DCC: variants seen among roughly 807,000 people sequenced by gnomAD.
The protein encoded by DCC is DCC netrin 1 receptor, also known as netrin receptor DCC.
In DCC, 58 loss-of-function variants were observed where a neutral mutation model predicts 172.5. That is an observed-to-expected ratio of 0.34 (90% CI 0.27 to 0.42). DCC has a LOEUF of 0.42. DCC is among the 10% of genes least tolerant of loss of function. The pLI is 1.00. For missense variants in DCC, 1,740 were observed against 1,791.0 expected (o/e 0.97, Z 0.51); for synonymous variants, 709 against 644.5 (o/e 1.10, Z -1.52).
At chr18:53,503,221 T>A (rs1048661883) in intron 27 of DCC, among the ~76,000 whole-genome samples, 16 of 152,208 alleles carry the variant, frequency 1.1e-4, no homozygotes, top group Non-Finnish European at 2.1e-4. Flanking sequence ...GCAATATTTT[T>A]ATAGTAAGCA....
At chr18:53,130,840 T>C (rs935534249) in intron 7 of DCC, among the ~76,000 whole-genome samples, 1 of 152,108 alleles carries the variant, frequency 6.6e-6, no homozygotes, top group Admixed American at 6.5e-5. Context: ...TTTTCTACTT[T>C]CCTGAAATGT....
chr18:53,018,671 A>G (rs908731478), intron 5 of DCC, among the ~76,000 whole-genome samples: 1 of 152,180 alleles, frequency 6.6e-6, no homozygotes, highest in Admixed American at 6.5e-5. Flanking sequence ...CTCAAGGAGC[A>G]TTTCATGTTG....
At chr18:53,051,502 C>T (rs1443030765) in intron 5 of DCC, among the ~76,000 whole-genome samples, 4 of 152,020 alleles carry the variant, frequency 2.6e-5, no homozygotes, top group African/African-American at 9.7e-5. Flanking sequence ...TACTACAATG[C>T]CTAACTGGGT....
At chr18:53,234,948 T>C (rs191504828) in intron 12 of DCC, among the ~76,000 whole-genome samples, 2 of 152,304 alleles carry the variant, frequency 1.3e-5, no homozygotes. Flanking sequence ...ACAAGACAAA[T>C]ATGTGTCACA....
chr18:53,315,489 C>T (rs8087205), intron 13 of DCC, among the ~76,000 whole-genome samples: 51,969 of 152,014 alleles, frequency 0.34, 10,017 homozygotes, highest in East Asian at 0.58. Context: ...GTAATGGGAT[C>T]GCTGGGTCAA....
chr18:53,240,281 T>C (rs1427959259), intron 12 of DCC, among the ~76,000 whole-genome samples: 1 of 152,132 alleles, frequency 6.6e-6, no homozygotes, highest in African/African-American at 2.4e-5. Context: ...AAACAGTCAA[T>C]AGCAAGCTTC....
Position 53,179,603 on chromosome 18 carries a change from A to G in DCC, c.1573+487A>G, listed in dbSNP as rs563401167. Among the ~76,000 whole-genome samples the G allele has an allele frequency of 1.1e-4, 16 of 152,332 alleles. No individual in the cohort carries two copies. In the South Asian group the frequency reaches 3.1e-3, roughly 30 times the overall value. ...AATTGAGATTTGAGGAATATGAGAG[A>G]TAACCTCTATTGGATAATCTCACTC... On this transcript the variant is annotated intron_variant, in intron 9 of 28. Transcript: ENST00000442544.
At chr18:53,229,403 A>C (rs1373734553) in intron 12 of DCC, among the ~76,000 whole-genome samples, 3 of 152,174 alleles carry the variant, frequency 2.0e-5, no homozygotes, top group Non-Finnish European at 4.4e-5. Context: ...TAGCCTTATA[A>C]TTAAACAAAT....
At chr18:53,260,616 G>A (rs1037820046) in intron 12 of DCC, among the ~76,000 whole-genome samples, 2 of 152,062 alleles carry the variant, frequency 1.3e-5, no homozygotes, top group African/African-American at 4.8e-5. Flanking sequence ...TGCCCCTACT[G>A]GGGGGTGCCT....
intron 1 of DCC, among the ~76,000 whole-genome samples, chr18:52,380,815 C>T (rs913420487): frequency 1.3e-5 from 2 of 152,052 alleles, no homozygotes; most frequent in Admixed American, 1.3e-4. Context: ...TCTGTTCTTT[C>T]TCACCTGGCC....
chr18:52,914,413 G>A (rs1414826956), intron 3 of DCC, among the ~76,000 whole-genome samples: 1 of 152,110 alleles, frequency 6.6e-6, no homozygotes, highest in Non-Finnish European at 1.5e-5. Flanking sequence ...ATGAACAGAT[G>A]TAGGAATATT....
intron 2 of DCC, among the ~76,000 whole-genome samples, chr18:52,847,960 G>T (rs1293007565): frequency 6.6e-6 from 1 of 151,978 alleles, no homozygotes; most frequent in African/African-American, 2.4e-5. Context: ...ATTGACATCA[G>T]TTTGTGCCTA....
chr18:53,451,710 G>GCT (rs371232356), intron 23 of DCC, among the ~76,000 whole-genome samples: 4,248 of 147,352 alleles, frequency 0.029, 105 homozygotes, highest in African/African-American at 0.061. Flanking sequence ...GCTCGCTCTT[G>GCT]CTCTCTCTCT....
At chr18:52,836,547 A>AATCC (rs1302575749) in intron 2 of DCC, among the ~76,000 whole-genome samples, 1 of 152,190 alleles carries the variant, frequency 6.6e-6, no homozygotes, top group Non-Finnish European at 1.5e-5. Flanking sequence ...GCAAGTCTGA[A>AATCC]ATCCAACAGG....
chr18:53,119,156 T>A (rs1178077692), intron 7 of DCC, among the ~76,000 whole-genome samples: 1 of 151,836 alleles, frequency 6.6e-6, no homozygotes, highest in African/African-American at 2.4e-5. Context: ...CAGAGACCAA[T>A]GCATGTCCAC....
intron 7 of DCC, among the ~76,000 whole-genome samples, chr18:53,114,244 A>G (rs2043377605): frequency 6.9e-6 from 1 of 145,566 alleles, no homozygotes; most frequent in African/African-American, 2.7e-5. Flanking sequence ...CCCATTTTTA[A>G]TGAACACCCC....
At chr18:53,253,549 G>A (rs2056467511) in intron 12 of DCC, among the ~76,000 whole-genome samples, 1 of 152,036 alleles carries the variant, frequency 6.6e-6, no homozygotes, top group African/African-American at 2.4e-5. Flanking sequence ...GTATAGACCA[G>A]TTTGGTCTCA....
At chr18:52,550,471 T>C (rs2032738578) in intron 1 of DCC, among the ~76,000 whole-genome samples, 1 of 152,206 alleles carries the variant, frequency 6.6e-6, no homozygotes, top group South Asian at 2.1e-4. Flanking sequence ...TGGCATTCTT[T>C]GTTTTAGTGA....
chr18:52,736,697 T>G (rs891495865), intron 1 of DCC, among the ~76,000 whole-genome samples: 3 of 152,208 alleles, frequency 2.0e-5, no homozygotes, highest in Non-Finnish European at 2.9e-5. Context: ...AAAAATGTTA[T>G]ATAGCAAACA....
Sources: allele counts gnomAD v4.1 joint callset (sites outside exome capture counted in the v4.1 genomes callset), GRCh38; gene constraint gnomAD v4.1.1; transcripts MANE v1.5; gene names NCBI Gene and HGNC (gene_info 2026-07-23, HGNC 2026-07-21).